The following TOR1A variants were observed in gnomAD, a reference collection of about 807,000 sequenced individuals.
TOR1A encodes torsin-1A.
TOR1A carries 18 observed loss-of-function variants against 31.4 expected under a neutral mutation model. The observed-to-expected ratio is 0.57, with a 90% confidence interval of 0.40 to 0.85. The LOEUF (loss-of-function observed/expected upper bound fraction) is 0.85. Among genes scored for constraint, TOR1A ranks in the 40% least tolerant of loss-of-function variants. TOR1A has a pLI of 0.00. For missense variants in TOR1A, 375 were observed against 416.4 expected (o/e 0.90, Z 0.87); for synonymous variants, 168 against 165.9 (o/e 1.01, Z -0.10).
chr9:129,818,623 T>C lies in TOR1A; in HGVS notation c.645A>G (p.Thr215=), dbSNP rs149375117. ...FLSNAGAERI[T]DVALDFWRSG... Reference sequence around the variant, plus strand: ...TCCTCCAGAAATCCAAAGCCACATCTGTGATCCTTTCTGCTCCAGCATTGC... The same window carrying C: ...TCCTCCAGAAATCCAAAGCCACATCCGTGATCCTTTCTGCTCCAGCATTGC... The change falls in exon 4 of 5, where the codon ACA becomes ACG. Residue 215 remains threonine (T), a synonymous_variant. Transcript: ENST00000351698. The C allele has an allele frequency of 3.7e-6, 6 of 1,614,122 alleles. No individual in the cohort carries two copies. In the African/African-American group the frequency reaches 8.0e-5, roughly 22 times the overall value.
Position 129,823,897 on chromosome 9 carries a change from C to T in TOR1A, c.178+11G>A, listed in dbSNP as rs776032055. On this transcript the variant is annotated intron_variant, in intron 1 of 4. Transcript: ENST00000351698. ...CCCCAGCCCCAGCCTCCAGCCCCCG[C>T]CCCAGCCTACCCTCCCGGCTAAGGC... 3 of 1,563,738 alleles carry T rather than the reference C, an allele frequency of 1.9e-6. No homozygotes were observed. The East Asian group carries it at 7.1e-5, about 37-fold the overall frequency.
At chr9:129,814,524 G>A (rs1416290126) in intron 4 of TOR1A, among the ~76,000 whole-genome samples, 2 of 151,822 alleles carry the variant, frequency 1.3e-5, no homozygotes, top group Non-Finnish European at 2.9e-5. Flanking sequence ...CCTACTGGGT[G>A]TGCCCTCTCC....
intron 2 of TOR1A, among the ~76,000 whole-genome samples, chr9:129,819,211 T>A (rs1165252581): frequency 1.3e-5 from 2 of 152,172 alleles, no homozygotes; most frequent in African/African-American, 4.8e-5. Flanking sequence ...CAAAGCCCGA[T>A]ACTTTGGTTA....
intron 1 of TOR1A, chr9:129,823,189 C>A (rs1451579351): frequency 1.3e-5 from 5 of 397,966 alleles, no homozygotes; most frequent in South Asian, 2.2e-5. Flanking sequence ...TCCTGGTCGG[C>A]TGCGGAAGAG....
chr9:129,819,294 T>C (rs1281974611), intron 2 of TOR1A, among the ~76,000 whole-genome samples: 1 of 152,154 alleles, frequency 6.6e-6, no homozygotes, highest in Non-Finnish European at 1.5e-5. Context: ...AGGGGCAATG[T>C]GGGATGTCAT....
intron 4 of TOR1A, among the ~76,000 whole-genome samples, chr9:129,815,130 T>C (rs2031003917): frequency 6.6e-6 from 1 of 152,204 alleles, no homozygotes; most frequent in African/African-American, 2.4e-5. Flanking sequence ...ACTGAGCTGA[T>C]TCCCTTCTGG....
chr9:129,818,368 A>T, intron 4 of TOR1A, 152 bp downstream of exon 4: 1 of 1,207,852 alleles, frequency 8.3e-7, no homozygotes, highest in Non-Finnish European at 1.2e-6. Context: ...GTTCATCAGC[A>T]AAGATTCCCC....
At position 129,822,774 on chromosome 9, in the gene TOR1A, A is replaced by C; in HGVS notation, c.251T>G (p.Phe84Cys). Reference sequence around the variant, plus strand: ...GGGCTTTGGGTTGTTTATGAAACCAAACACGGCATTTAAGATGATTTTCTT... The same window carrying C: ...GGGCTTTGGGTTGTTTATGAAACCACACACGGCATTTAAGATGATTTTCTT... ...LAKKIILNAV[F>C]GFINNPKPKK... is the part of the protein sequence containing the mutation. Residue 84 changes from phenylalanine (F) to cysteine (C), a missense_variant, in exon 2 of 5, where the codon TTT becomes TGT. Coordinates refer to ENST00000351698, the MANE Select transcript of TOR1A (RefSeq NM_000113.3). 6 of 1,614,188 alleles carry C rather than the reference A, an allele frequency of 3.7e-6. No homozygotes were observed. The highest frequency in any genetic ancestry group is 3.4e-6 in the Non-Finnish European group (4 of 1,180,036).
In TOR1A at chr9:129,822,827, G is replaced by A. The variant is rs1236569670; in HGVS notation, c.198C>T (p.Asp66=). The A allele has an allele frequency of 6.2e-7, 1 of 1,614,164 alleles. No individual in the cohort carries two copies. Among genetic ancestry groups the A allele is most frequent in the Non-Finnish European group, 8.5e-7 (1 of 1,180,032 alleles). Residue 66 remains aspartate (D), a synonymous_variant, in exon 2 of 5, where the codon GAC becomes GAT. Transcript: ENST00000351698. ...CAAGATGCTGTCCAAAGAGGTTGTC[G>A]TCCAGATCCTTCTGCAGTGCTGGGA... The part of the protein sequence containing the change: ...LSREALQKDL[D]DNLFGQHLAK...
intron 4 of TOR1A, among the ~76,000 whole-genome samples, chr9:129,814,941 C>T (rs952521009): frequency 2.0e-5 from 3 of 152,172 alleles, no homozygotes; most frequent in Admixed American, 6.5e-5. Context: ...GTGCAGCCCA[C>T]GCTGGGCTCC....
At chr9:129,819,031 A>G (rs2031115781) in intron 2 of TOR1A, 111 bp from the exon 3 acceptor site, 1 of 1,263,828 alleles carries the variant, frequency 7.9e-7, no homozygotes, top group South Asian at 1.2e-5. Context: ...TGCACTCGGC[A>G]CTAAGAACTT....
Position 129,824,100 on chromosome 9 carries a change from C to A in TOR1A, c.-15G>T. 6.4e-7 allele frequency: 1 copy of A among 1,559,088 alleles called. No individual in the cohort carries two copies. Among genetic ancestry groups the A allele is most frequent in the Non-Finnish European group, 8.6e-7 (1 of 1,157,326 alleles). ...CCCAGCTTCATGCCCGGACCCGCGC[C>A]ACCCTGCTTGTTCTCGCGCCGACCG... On this transcript the variant is annotated 5_prime_UTR_variant, in exon 1 of 5. Coordinates refer to ENST00000351698, the MANE Select transcript of TOR1A (RefSeq NM_000113.3).
At position 129,814,033 on chromosome 9, in the gene TOR1A, ACT is replaced by A. The variant is rs80358234; in HGVS notation, c.936_937del (p.Arg312SerfsTer5). 2.5e-6 allele frequency: 4 copies of A among 1,611,212 alleles called. No individual in the cohort carries two copies. Among genetic ancestry groups the A allele is most frequent in the Non-Finnish European group, 3.4e-6 (4 of 1,179,198 alleles). On this transcript the variant is annotated frameshift_variant, in exon 5 of 5. Transcript: ENST00000351698. LOFTEE classifies it high-confidence loss of function. ...CGTTTTGCAGCCTTTATCTGAGAAAACTCTCTCCTCTTTGGGGAAAAATGTCA... is the reference window on the plus strand; with the variant it reads ...CGTTTTGCAGCCTTTATCTGAGAAAACTCTCCTCTTTGGGGAAAAATGTCA...
chr9:129,821,465 A>G (rs2031182356), intron 2 of TOR1A: 1 of 152,242 alleles, frequency 6.6e-6, no homozygotes, highest in African/African-American at 2.4e-5. Flanking sequence ...GTTACAAGCA[A>G]CACTTTGTAA....
At position 129,814,133 on chromosome 9, in the gene TOR1A, A is replaced by C. The variant is rs1362200394; in HGVS notation, c.838T>G (p.Cys280Gly). Residue 280 changes from cysteine to glycine, a missense_variant, in exon 5 of 5, where the codon TGT (cysteine) becomes GGT (glycine). By Grantham distance (159) the Cys-to-Gly change is radical. Transcript: ENST00000351698. ...CGGGACTGCATTTCCACTCGGATAC[A>C]CATTTTTAGGTGTTTGTATTCCAGG... Reference protein sequence around the residue: ...LPLEYKHLKMCIRVEMQSRGY... With the variant: ...LPLEYKHLKMGIRVEMQSRGY... 4 of 1,614,152 alleles carry C rather than the reference A, an allele frequency of 2.5e-6. No individual in the cohort carries two copies. Among genetic ancestry groups the C allele is most frequent in the Non-Finnish European group, 3.4e-6 (4 of 1,180,016 alleles).
chr9:129,815,723 C>A (rs1175656813), intron 4 of TOR1A, among the ~76,000 whole-genome samples: 2 of 152,250 alleles, frequency 1.3e-5, no homozygotes, highest in East Asian at 3.8e-4. Context: ...TGCCATTGCC[C>A]ACTGAGCTCG....
At position 129,819,444 on chromosome 9, in the gene TOR1A, AC is replaced by A. The variant is rs374471743; in HGVS notation, c.445-525del. On this transcript the variant is annotated intron_variant, in intron 2 of 4. Coordinates refer to ENST00000351698, the MANE Select transcript of TOR1A (RefSeq NM_000113.3). ...AGACCAGCCTGGCCAACATGGTGAA[AC>A]CCCATCTCTATTAAAATACAAAAAT... is the stretch of plus-strand genomic sequence containing the variant. Among the ~76,000 whole-genome samples, 383 of 151,632 alleles carry A rather than the reference AC, an allele frequency of 2.5e-3. 2 individuals carry two copies. Among genetic ancestry groups the A allele is most frequent in the African/African-American group, 8.9e-3 (369 of 41,288 alleles).
rs145607121 is a variant in TOR1A at position 129,813,718 on chromosome 9, C to G, written c.*254G>C. 1 of 582,386 alleles carries G rather than the reference C, an allele frequency of 1.7e-6. No homozygotes were observed. Among genetic ancestry groups the G allele is most frequent in the Non-Finnish European group, 3.1e-6 (1 of 326,298 alleles). The allele number at this position is 582,386 out of a possible 1,614,324, so 36.1% of individuals were successfully genotyped here. A position where few individuals can be genotyped will look rare whatever the true frequency, so the allele number is the denominator to read the frequency against. The stretch of plus-strand genomic sequence containing the variant: ...AATTTGTAAAAAATCATGAGCCCTG[C>G]GATGAGTGGGCTGGGAGCTGGCTCC... On this transcript the variant is annotated 3_prime_UTR_variant, in exon 5 of 5. Transcript: ENST00000351698.
Position 129,818,624 on chromosome 9 carries a change from G to T in TOR1A, c.644C>A (p.Thr215Lys). Residue 215 changes from threonine (T) to lysine (K), a missense_variant, in exon 4 of 5, where the codon ACA becomes AAA. Transcript: ENST00000351698. The part of the protein sequence containing the change: ...FLSNAGAERI[T>K]DVALDFWRSG... ...CCTCCAGAAATCCAAAGCCACATCT[G>T]TGATCCTTTCTGCTCCAGCATTGCT... 4 of 1,614,220 alleles carry T rather than the reference G, an allele frequency of 2.5e-6. No individual in the cohort carries two copies. The highest frequency in any genetic ancestry group is 3.4e-6 in the Non-Finnish European group (4 of 1,180,040).
Sources: allele counts gnomAD v4.1 joint callset (sites outside exome capture counted in the v4.1 genomes callset), GRCh38; gene constraint gnomAD v4.1.1; transcripts MANE v1.5; gene names NCBI Gene and HGNC (gene_info 2026-07-23, HGNC 2026-07-21).